The following RBFOX1 variants were observed in gnomAD, a reference collection of about 807,000 sequenced individuals.
RBFOX1 encodes the protein RNA binding fox-1 homolog 1, also known as RNA binding protein fox-1 homolog 1.
Under a neutral mutation model 57.7 loss-of-function variants are expected in RBFOX1, and 8 were observed. The ratio of observed to expected loss-of-function variants is 0.14; its 90% CI spans 0.08 to 0.25. The LOEUF (loss-of-function observed/expected upper bound fraction) is 0.25. Ranked by LOEUF, RBFOX1 falls within the 10% of genes least tolerant of loss-of-function variation. RBFOX1 has a pLI of 1.00. For missense variants in RBFOX1, 611 were observed against 548.5 expected (o/e 1.11, Z -1.14); for synonymous variants, 326 against 222.4 (o/e 1.47, Z -4.15).
chr16:6,195,649 G>A (rs937024933), intron 1 of RBFOX1, among the ~76,000 whole-genome samples: 1 of 152,036 alleles, frequency 6.6e-6, no homozygotes, highest in Non-Finnish European at 1.5e-5. Flanking sequence ...AACCCGGGTG[G>A]TGGAGGTTGC....
intron 4 of RBFOX1, among the ~76,000 whole-genome samples, chr16:5,986,059 CT>C (rs56316210): frequency 0.61 from 83,482 of 136,074 alleles, 24,693 homozygotes; most frequent in African/African-American, 0.79. Context: ...TTTTTCTTTA[CT>C]TTTTTTTTTT....
intron 3 of RBFOX1, among the ~76,000 whole-genome samples, chr16:5,719,683 G>T (rs1567444747): frequency 1.3e-5 from 2 of 152,106 alleles, no homozygotes; most frequent in South Asian, 2.1e-4. Context: ...TTGTGCCTGT[G>T]TTTTTTTGCT....
intron 3 of RBFOX1, among the ~76,000 whole-genome samples, chr16:6,843,799 A>G (rs1442246157): frequency 6.6e-6 from 1 of 152,224 alleles, no homozygotes; most frequent in Non-Finnish European, 1.5e-5. Context: ...CCATGCCAAA[A>G]GAAATAACAA....
intron 1 of RBFOX1, among the ~76,000 whole-genome samples, chr16:5,316,676 C>G (rs1567324541): frequency 1.3e-5 from 2 of 152,302 alleles, no homozygotes; most frequent in East Asian, 3.9e-4. Flanking sequence ...AGGGGATACC[C>G]AGATAGCTGG....
intron 4 of RBFOX1, among the ~76,000 whole-genome samples, chr16:7,205,515 GA>G (rs60458342): frequency 1.4e-3 from 172 of 125,506 alleles, no homozygotes; most frequent in East Asian, 1.9e-3. Context: ...TCTGTCTCAG[GA>G]AAAAAAAAAA....
intron 3 of RBFOX1, among the ~76,000 whole-genome samples, chr16:7,000,011 G>T (rs2092642691): frequency 6.6e-6 from 1 of 150,652 alleles, no homozygotes; most frequent in South Asian, 2.1e-4. Flanking sequence ...GGCAGAGGTT[G>T]CAGTGAGCCA....
intron 12 of RBFOX1, among the ~76,000 whole-genome samples, chr16:7,662,909 T>C (rs1210633862): frequency 6.6e-6 from 1 of 152,218 alleles, no homozygotes; most frequent in African/African-American, 2.4e-5. Context: ...GCACTGTTGA[T>C]TGAGGATGCT....
intron 4 of RBFOX1, among the ~76,000 whole-genome samples, chr16:7,192,514 G>A (rs1418108421): frequency 6.6e-6 from 1 of 152,106 alleles, no homozygotes; most frequent in Non-Finnish European, 1.5e-5. Flanking sequence ...TAAATATTGA[G>A]GTACTGAAGC....
At chr16:6,450,818 C>CATATATATATGTGTATATATATATATAT (rs2094590960) in intron 2 of RBFOX1, among the ~76,000 whole-genome samples, 2 of 17,706 alleles carry the variant, frequency 1.1e-4, no homozygotes, top group African/African-American at 4.1e-4. Flanking sequence ...TATATATATA[C>CATATATATATGTGTATATATATATATAT]ATATATATAT....
In RBFOX1 at chr16:7,441,604, T is replaced by C. The variant is rs980426078; in HGVS notation, c.28-76543T>C. Among the ~76,000 whole-genome samples, 4 of 152,230 alleles carry C rather than the reference T, an allele frequency of 2.6e-5. No individual in the cohort carries two copies. The East Asian group carries it at 5.8e-4, about 22-fold the overall frequency. On this transcript the variant is annotated intron_variant, in intron 4 of 15. Transcript: ENST00000550418. ...CACCCATATGATTTGTTTTTGCTTT[T>C]TTCCCCCCTGTTATTAGCTGCCAAC... is the stretch of plus-strand genomic sequence containing the variant.
At chr16:5,268,479 G>A (rs929445336) in intron 1 of RBFOX1, among the ~76,000 whole-genome samples, 11 of 152,306 alleles carry the variant, frequency 7.2e-5, no homozygotes, top group Admixed American at 2.0e-4. Context: ...AAGATTATAC[G>A]TGCAAATCCC....
At chr16:6,638,046 G>A (rs890335623) in intron 2 of RBFOX1, among the ~76,000 whole-genome samples, 4 of 151,894 alleles carry the variant, frequency 2.6e-5, no homozygotes, top group Non-Finnish European at 5.9e-5. Context: ...ACACCTTTAG[G>A]GGTAGACTAA....
chr16:5,819,065 C>T (rs548519917), intron 3 of RBFOX1, among the ~76,000 whole-genome samples: 1 of 152,266 alleles, frequency 6.6e-6, no homozygotes, highest in South Asian at 2.1e-4. Flanking sequence ...TGTTCTCCTG[C>T]CCTGGTATCA....
At chr16:5,410,813 A>T (rs1038895213) in intron 1 of RBFOX1, among the ~76,000 whole-genome samples, 2 of 152,204 alleles carry the variant, frequency 1.3e-5, no homozygotes, top group African/African-American at 4.8e-5. Context: ...TTCAAACCCC[A>T]ACTGAAAGTA....
At chr16:6,005,465 G>A (rs772337499) in intron 4 of RBFOX1, among the ~76,000 whole-genome samples, 4 of 152,234 alleles carry the variant, frequency 2.6e-5, no homozygotes, top group African/African-American at 4.8e-5. Flanking sequence ...TAGCTGGGAA[G>A]ATACAGAAAT....
At chr16:7,607,392 G>A in intron 10 of RBFOX1, 54 bp downstream of exon 10, 1 of 1,506,650 alleles carries the variant, frequency 6.6e-7, no homozygotes, top group East Asian at 2.3e-5. Context: ...AATGTGCTTT[G>A]CCTGCCAAGA....
chr16:6,679,360 G>C (rs1363167489), intron 3 of RBFOX1, among the ~76,000 whole-genome samples: 1 of 152,068 alleles, frequency 6.6e-6, no homozygotes, highest in East Asian at 1.9e-4. Flanking sequence ...TCTGATGTTT[G>C]GGAAATGCTT....
intron 1 of RBFOX1, among the ~76,000 whole-genome samples, chr16:6,120,433 C>T (rs1028274624): frequency 5.3e-5 from 8 of 152,122 alleles, no homozygotes; most frequent in African/African-American, 1.4e-4. Flanking sequence ...AAACAAATTT[C>T]CTATGTTGTG....
chr16:6,834,097 C>G (rs1283729999), intron 3 of RBFOX1, among the ~76,000 whole-genome samples: 2 of 151,922 alleles, frequency 1.3e-5, no homozygotes, highest in African/African-American at 4.8e-5. Context: ...CGGAGTCTCC[C>G]TCTTTCGCCC....
Sources: gnomAD v4.1 joint callset for allele counts (sites outside exome capture counted in the v4.1 genomes callset) on GRCh38, gnomAD v4.1.1 for gene constraint, MANE v1.5 for transcripts, NCBI Gene and HGNC (gene_info 2026-07-23, HGNC 2026-07-21) for gene names.